Variants in ZBTB41 observed in about 807,000 individuals in gnomAD.
The protein encoded by ZBTB41 is zinc finger and BTB domain containing 41.
In ZBTB41, 42 loss-of-function variants were observed where a neutral mutation model predicts 87.6. The observed-to-expected ratio is 0.48, with a 90% CI of 0.37 to 0.62. The LOEUF is 0.62. Ranked by LOEUF, ZBTB41 falls within the 20% of genes least tolerant of loss-of-function variation. The probability of loss-of-function intolerance (pLI) is 0.00; values close to 1 mark genes in which losing one functional copy is unlikely to be tolerated. For missense variants in ZBTB41, 799 were observed against 1,078.9 expected (o/e 0.74, Z 3.63); for synonymous variants, 364 against 364.0 (o/e 1.00, Z 0.00).
chr1:197,187,441 G>A (rs1659912709), intron 5 of ZBTB41, among the ~76,000 whole-genome samples: 1 of 152,160 alleles, frequency 6.6e-6, no homozygotes, highest in Non-Finnish European at 1.5e-5. Context: ...GTTATCTAAA[G>A]TGGTGTAGTA....
chr1:197,193,749 A>C (rs954118291), intron 2 of ZBTB41, among the ~76,000 whole-genome samples: 6 of 152,236 alleles, frequency 3.9e-5, no homozygotes, highest in Admixed American at 3.3e-4. Flanking sequence ...TACTGGGAAA[A>C]GACAGAGGTC....
Position 197,159,494 on chromosome 1 carries a change from T to C in ZBTB41, c.2595A>G (p.Gln865=), listed in dbSNP as rs1286705215. The change falls in exon 11 of 11, where the codon CAA becomes CAG. Residue 865 remains glutamine, a synonymous_variant. Transcript: ENST00000367405. ...GAACTGGGTGAACTATATTTGCAGG[T>C]TGAGGAGTAAGAGTATATTTTTCCA... ...AFLEKYTLTP[Q]PANIVHPVRP... is the part of the protein sequence containing the mutation. 1 of 1,613,778 alleles carries C rather than the reference T, an allele frequency of 6.2e-7. No homozygotes were observed. The highest frequency in any genetic ancestry group is 1.7e-5 in the Admixed American group (1 of 59,962).
intron 6 of ZBTB41, among the ~76,000 whole-genome samples, chr1:197,179,387 A>G (rs1659688082): frequency 6.6e-6 from 1 of 152,086 alleles, no homozygotes; most frequent in South Asian, 2.1e-4. Context: ...AACATACTAC[A>G]TTGCCAACTG....
At chr1:197,172,316 AATAATT>A (rs1557978221) in intron 9 of ZBTB41, 68 bp from the exon 10 acceptor site, 5 of 421,108 alleles carry the variant, frequency 1.2e-5, no homozygotes, top group Non-Finnish European at 1.5e-5. Flanking sequence ...TGACAATATT[AATAATT>A]ATATTAATAA....
chr1:197,169,824 A>C (rs1356648115), intron 10 of ZBTB41, among the ~76,000 whole-genome samples: 1 of 152,054 alleles, frequency 6.6e-6, no homozygotes, highest in Non-Finnish European at 1.5e-5. Context: ...CAACAAGACA[A>C]CTGTTAAAGA....
At position 197,200,123 on chromosome 1, in the gene ZBTB41, C is replaced by T. The variant is rs1660274662; in HGVS notation, c.351G>A (p.Leu117=). ...AVGSSYFHAC[L]SKNPSTDVVT... is the part of the protein sequence containing the mutation. ...CAACATCAGTGCTTGGATTTTTGCT[C>T]AAACACGCATGAAAATAACTACTGC... Residue 117 remains leucine, a synonymous_variant, in exon 2 of 11, where the codon TTG becomes TTA. Transcript: ENST00000367405. 2 of 1,613,756 alleles carry T rather than the reference C, an allele frequency of 1.2e-6. No individual in the cohort carries two copies. Among genetic ancestry groups the T allele is most frequent in the Admixed American group, 1.7e-5 (1 of 59,980 alleles).
In ZBTB41 at chr1:197,199,376, A is replaced by G; in HGVS notation, c.1098T>C (p.Cys366=). The change falls in exon 2 of 11, where the codon TGT becomes TGC. Residue 366 remains cysteine, a synonymous_variant. Coordinates refer to ENST00000367405, the MANE Select transcript of ZBTB41 (RefSeq NM_194314.3). ...SNKKILQCPK[C]DKTFDRIGKY... is the part of the protein sequence containing the mutation. Reference sequence around the variant, plus strand: ...TACCTATTCGGTCAAATGTTTTATCACATTTAGGACACTGCAATATTTTTT... The same window carrying G: ...TACCTATTCGGTCAAATGTTTTATCGCATTTAGGACACTGCAATATTTTTT... 1 of 1,518,228 alleles carries G rather than the reference A, an allele frequency of 6.6e-7. No individual in the cohort carries two copies. The highest frequency in any genetic ancestry group is 8.8e-7 in the Non-Finnish European group (1 of 1,140,608). 94.0% of individuals were successfully genotyped at this position (1,518,228 alleles called of 1,614,324 possible). A position where few individuals can be genotyped will look rare whatever the true frequency, so the allele number is the denominator to read the frequency against.
rs747593839 is a variant in ZBTB41 at position 197,159,802 on chromosome 1, G to C, written c.2287C>G (p.Leu763Val). ...DDPLSTSEEK[L>V]VSLPVEYSSD... Reference sequence around the variant, plus strand: ...GAGTACTCAACTGGCAAGGATACAAGTTTTTCCTCAGAAGTACTGAGAGGA... The same window carrying C: ...GAGTACTCAACTGGCAAGGATACAACTTTTTCCTCAGAAGTACTGAGAGGA... The change falls in exon 11 of 11, where the codon CTT becomes GTT. Residue 763 changes from leucine (L) to valine (V), a missense_variant. Physicochemically the swap from Leu to Val is conservative, Grantham distance 32 (BLOSUM62 1). This residue lies in a region of ZBTB41 where 171 missense variants were observed against 191.9 expected (regional missense o/e 0.89). Coordinates refer to ENST00000367405, the MANE Select transcript of ZBTB41 (RefSeq NM_194314.3). 1.2e-6 allele frequency: 2 copies of C among 1,613,976 alleles called. No individual in the cohort carries two copies. Among genetic ancestry groups the C allele is most frequent in the Non-Finnish European group, 1.7e-6 (2 of 1,179,910 alleles).
intron 5 of ZBTB41, among the ~76,000 whole-genome samples, chr1:197,187,445 T>C (rs1362169213): frequency 2.6e-5 from 4 of 152,176 alleles, no homozygotes; most frequent in Admixed American, 1.3e-4. Flanking sequence ...TCTAAAGTGG[T>C]GTAGTATTTA....
chr1:197,173,876 T>C (rs542102147), intron 9 of ZBTB41, among the ~76,000 whole-genome samples: 1 of 152,198 alleles, frequency 6.6e-6, no homozygotes, highest in South Asian at 2.1e-4. Context: ...AAAACGTTTT[T>C]GTTTTTCACA....
chr1:197,196,684 T>C (rs1386821539), intron 2 of ZBTB41, among the ~76,000 whole-genome samples: 2 of 152,174 alleles, frequency 1.3e-5, no homozygotes, highest in Non-Finnish European at 2.9e-5. Flanking sequence ...TACACCTCTG[T>C]AGAACATACA....
At chr1:197,174,848 T>C (rs1278574216) in intron 9 of ZBTB41, among the ~76,000 whole-genome samples, 162 bp downstream of exon 9, 1 of 152,018 alleles carries the variant, frequency 6.6e-6, no homozygotes, top group East Asian at 1.9e-4. Context: ...GAGGAAAATA[T>C]ATGCTTGCTG....
At chr1:197,171,308 G>A (rs191963048) in intron 10 of ZBTB41, among the ~76,000 whole-genome samples, 1 of 152,096 alleles carries the variant, frequency 6.6e-6, no homozygotes, top group Non-Finnish European at 1.5e-5. Flanking sequence ...GCTTTTAACA[G>A]CAGCACTGTA....
intron 2 of ZBTB41, among the ~76,000 whole-genome samples, chr1:197,194,309 C>T (rs565352086): frequency 3.9e-5 from 6 of 152,152 alleles, no homozygotes; most frequent in Non-Finnish European, 5.9e-5. Context: ...GGAGCCACTG[C>T]GCCTGGACCT....
At chr1:197,169,497 C>T (rs1423470676) in intron 10 of ZBTB41, among the ~76,000 whole-genome samples, 3 of 151,842 alleles carry the variant, frequency 2.0e-5, no homozygotes, top group Non-Finnish European at 4.4e-5. Flanking sequence ...TTCAAATAGA[C>T]AAAATTAATT....
intron 10 of ZBTB41, among the ~76,000 whole-genome samples, chr1:197,161,609 CA>C (rs1466454030): frequency 2.8e-5 from 1 of 36,280 alleles, no homozygotes; most frequent in Admixed American, 3.8e-4. Context: ...GGCAGTGAGA[CA>C]TGAATACATT....
chr1:197,179,635 T>C (rs932476606), intron 6 of ZBTB41, among the ~76,000 whole-genome samples: 1 of 152,080 alleles, frequency 6.6e-6, no homozygotes, highest in African/African-American at 2.4e-5. Flanking sequence ...GTACTGTCCC[T>C]GAAGACCTTC....
chr1:197,190,497 A>G (rs1660002005), intron 4 of ZBTB41, among the ~76,000 whole-genome samples: 1 of 152,264 alleles, frequency 6.6e-6, no homozygotes, highest in Non-Finnish European at 1.5e-5. Flanking sequence ...GTAATGTCAC[A>G]GTTTATATAC....
chr1:197,193,316 C>A (rs1660079345), intron 2 of ZBTB41, among the ~76,000 whole-genome samples: 1 of 151,506 alleles, frequency 6.6e-6, no homozygotes, highest in African/African-American at 2.4e-5. Context: ...GGTGGGTGAA[C>A]ACTTGAGGTC....
Sources: gnomAD v4.1 joint callset for allele counts (sites outside exome capture counted in the v4.1 genomes callset) on GRCh38, gnomAD v4.1.1 for gene constraint, gnomAD v4.1.1 regional missense constraint, MANE v1.5 for transcripts, NCBI Gene and HGNC (gene_info 2026-07-23, HGNC 2026-07-21) for gene names.